PCDH9: variants seen among roughly 807,000 people sequenced by gnomAD.
PCDH9 encodes protocadherin 9, also known as protocadherin-9.
In PCDH9, 24 loss-of-function variants were observed where a neutral mutation model predicts 70.6. The observed-to-expected ratio is 0.34, with a 90% CI of 0.25 to 0.48. PCDH9 has a LOEUF of 0.48. PCDH9 is among the 20% of genes least tolerant of loss of function. The pLI is 0.99. For missense variants in PCDH9, 1,281 were observed against 1,503.6 expected, an observed-to-expected ratio of 0.85 and a Z score of 2.45; for synonymous variants, 562 against 558.5, an observed-to-expected ratio of 1.01 and a Z score of -0.09.
intron 2 of PCDH9, among the ~76,000 whole-genome samples, chr13:66,928,035 G>A (rs1246171312): frequency 2.0e-5 from 3 of 151,958 alleles, no homozygotes; most frequent in Non-Finnish European, 4.4e-5. Flanking sequence ...CCAGAGTAAG[G>A]GTGGAAATTT....
intron 4 of PCDH9, among the ~76,000 whole-genome samples, chr13:66,551,227 T>A (rs1961473094): frequency 6.6e-6 from 1 of 152,168 alleles, no homozygotes; most frequent in Admixed American, 6.5e-5. Flanking sequence ...CCAAGGACCA[T>A]ATCCAATTTA....
At chr13:66,726,877 C>T (rs986503304) in intron 3 of PCDH9, among the ~76,000 whole-genome samples, 4 of 152,144 alleles carry the variant, frequency 2.6e-5, no homozygotes, top group Admixed American at 2.0e-4. Flanking sequence ...TCATATTCAC[C>T]AAAAACAAGA....
intron 2 of PCDH9, among the ~76,000 whole-genome samples, chr13:67,130,473 T>A (rs546232290): frequency 1.3e-5 from 2 of 152,272 alleles, no homozygotes; most frequent in South Asian, 2.1e-4. Flanking sequence ...TGCACCATTT[T>A]GTAAGCTCCT....
intron 4 of PCDH9, among the ~76,000 whole-genome samples, chr13:66,595,053 A>G (rs1232657476): frequency 1.3e-5 from 2 of 150,972 alleles, no homozygotes; most frequent in Non-Finnish European, 3.0e-5. Context: ...AAATAAGTGC[A>G]CACACACACA....
At chr13:66,953,673 C>A (rs9540955) in intron 2 of PCDH9, among the ~76,000 whole-genome samples, 36,034 of 152,038 alleles carry the variant, frequency 0.24, 4,993 homozygotes, top group African/African-American at 0.37. Flanking sequence ...TATGTTAAGT[C>A]TTTGTGGATC....
intron 2 of PCDH9, among the ~76,000 whole-genome samples, chr13:67,119,393 G>A (rs1318439259): frequency 1.3e-5 from 2 of 152,006 alleles, no homozygotes; most frequent in African/African-American, 4.8e-5. Flanking sequence ...AGTAAGCTGA[G>A]ATTATTTATT....
At chr13:66,359,913 A>G (rs908367312) in intron 4 of PCDH9, among the ~76,000 whole-genome samples, 7 of 152,272 alleles carry the variant, frequency 4.6e-5, no homozygotes, top group Admixed American at 1.3e-4. Flanking sequence ...TTTAATACAT[A>G]AAAAGATGAA....
chr13:66,375,582 A>C (rs1956733219), intron 4 of PCDH9, among the ~76,000 whole-genome samples: 1 of 152,134 alleles, frequency 6.6e-6, no homozygotes, highest in Non-Finnish European at 1.5e-5. Context: ...AATTTTAAGT[A>C]TTATCTTGTA....
At chr13:66,593,190 A>G (rs1342091714) in intron 4 of PCDH9, among the ~76,000 whole-genome samples, 1 of 151,710 alleles carries the variant, frequency 6.6e-6, no homozygotes, top group African/African-American at 2.4e-5. Context: ...TACGCATCCA[A>G]TGTTTACGTA....
intron 3 of PCDH9, among the ~76,000 whole-genome samples, chr13:66,847,049 C>T (rs1353188411): frequency 1.3e-5 from 2 of 152,066 alleles, no homozygotes; most frequent in African/African-American, 2.4e-5. Context: ...AAACTAGACA[C>T]ACAAAATAAA....
intron 4 of PCDH9, among the ~76,000 whole-genome samples, chr13:66,592,592 A>T (rs2077052055): frequency 6.6e-6 from 1 of 151,812 alleles, no homozygotes; most frequent in African/African-American, 2.4e-5. Flanking sequence ...TAGAAGAAAC[A>T]TTCCATGAAT....
chr13:66,438,509 G>A (rs1330473626), intron 4 of PCDH9, among the ~76,000 whole-genome samples: 2 of 152,192 alleles, frequency 1.3e-5, no homozygotes, highest in African/African-American at 4.8e-5. Context: ...AAATGGCAGA[G>A]ATTGGTTAAT....
intron 3 of PCDH9, among the ~76,000 whole-genome samples, chr13:66,684,443 T>G (rs1293322992): frequency 6.6e-6 from 1 of 152,186 alleles, no homozygotes; most frequent in Non-Finnish European, 1.5e-5. Flanking sequence ...CCATGTGTTG[T>G]AGGAAGAACC....
intron 2 of PCDH9, among the ~76,000 whole-genome samples, chr13:66,906,283 G>C (rs1157909676): frequency 6.6e-6 from 1 of 152,140 alleles, no homozygotes; most frequent in Non-Finnish European, 1.5e-5. Flanking sequence ...ATATGCAAAG[G>C]TGAGAAAACA....
At position 66,448,135 on chromosome 13, in the gene PCDH9, A is replaced by G. The variant is rs539164367; in HGVS notation, c.3341-143107T>C. Among the ~76,000 whole-genome samples the G allele has an allele frequency of 2.0e-4, 30 of 152,280 alleles. No individual in the cohort carries two copies. In the South Asian group the frequency reaches 4.6e-3, roughly 23 times the overall value. On this transcript the variant is annotated intron_variant, in intron 4 of 4. Transcript: ENST00000377865. ...GAAATTTAGTTATTGGCTCTTTAGG[A>G]AGCAATTTCTCAGTCCAAAACAGAC...
At chr13:66,691,026 T>TTTTA (rs1301926369) in intron 3 of PCDH9, among the ~76,000 whole-genome samples, 6 of 152,072 alleles carry the variant, frequency 3.9e-5, no homozygotes, top group Non-Finnish European at 8.8e-5. Flanking sequence ...ATTTTGTAAA[T>TTTTA]TTTATTTATT....
At chr13:66,730,108 T>C (rs2079053282) in intron 3 of PCDH9, among the ~76,000 whole-genome samples, 1 of 152,136 alleles carries the variant, frequency 6.6e-6, no homozygotes, top group Non-Finnish European at 1.5e-5. Flanking sequence ...AGAGACAGGA[T>C]TTTCTGTATA....
At chr13:66,768,761 C>T (rs1318404530) in intron 3 of PCDH9, among the ~76,000 whole-genome samples, 1 of 152,028 alleles carries the variant, frequency 6.6e-6, no homozygotes, top group Non-Finnish European at 1.5e-5. Flanking sequence ...TATCTATGTC[C>T]TAGAGGAGAT....
rs75579893 is a variant in PCDH9 at position 66,795,900 on chromosome 13, C to T, written c.3138+107604G>A. 1.5e-3 allele frequency among the ~76,000 whole-genome samples: 225 copies of T among 152,188 alleles called. 5 individuals carry two copies. The East Asian group carries it at 0.04, about 27-fold the overall frequency. ...CCACTGATTTGTTTGTGTGCTCACT[C>T]GCTCATGGCTTTTGGAAGGATTCAT... On this transcript the variant is annotated intron_variant, in intron 3 of 4. Transcript: ENST00000377865.
Sources: allele counts gnomAD v4.1 joint callset (sites outside exome capture counted in the v4.1 genomes callset), GRCh38; gene constraint gnomAD v4.1.1; transcripts MANE v1.5; gene names NCBI Gene and HGNC (gene_info 2026-07-23, HGNC 2026-07-21).